The following PCDH15 variants were observed in gnomAD, a reference collection of about 807,000 sequenced individuals.
The protein encoded by PCDH15 is protocadherin-15.
PCDH15 carries 129 observed loss-of-function variants against 178.5 expected under a neutral mutation model. The ratio of observed to expected loss-of-function variants is 0.72; its 90% CI spans 0.63 to 0.84. The LOEUF (loss-of-function observed/expected upper bound fraction) is 0.84. Ranked by LOEUF, PCDH15 falls within the 40% of genes least tolerant of loss-of-function variation. PCDH15 has a pLI of 0.00. For synonymous variants in PCDH15, 800 were observed against 732.0 expected (o/e 1.09, Z -1.50); for missense variants, 2,230 against 2,099.9 (o/e 1.06, Z -1.21).
chr10:54,830,615 A>C (rs1022600401), intron 3 of PCDH15, among the ~76,000 whole-genome samples: 1 of 152,152 alleles, frequency 6.6e-6, no homozygotes, highest in Admixed American at 6.6e-5. Flanking sequence ...GGATAGCATT[A>C]GGAGACATAC....
intron 15 of PCDH15, among the ~76,000 whole-genome samples, chr10:54,101,699 G>A (rs1433986222): frequency 6.6e-6 from 1 of 152,140 alleles, no homozygotes; most frequent in African/African-American, 2.4e-5. Flanking sequence ...AGGCGCAGTG[G>A]CTCATGCCTG....
chr10:55,585,368 C>G (rs1029817650), intron 2 of PCDH15, among the ~76,000 whole-genome samples: 1 of 152,154 alleles, frequency 6.6e-6, no homozygotes, highest in Admixed American at 6.5e-5. Flanking sequence ...TCTGTTACAA[C>G]ACTTCACTGC....
chr10:55,334,242 A>ATATG lies in PCDH15; in HGVS notation c.-155-167592_-155-167591insCATA, dbSNP rs1291195941. 6.3e-3 allele frequency among the ~76,000 whole-genome samples: 452 copies of ATATG among 72,134 alleles called. 9 individuals are homozygous for ATATG. Among genetic ancestry groups the ATATG allele is most frequent in the South Asian group, 0.026 (48 of 1,814 alleles). The allele number at this position is 72,134 out of a possible 152,430, so 47.3% of individuals were successfully genotyped here. On this transcript the variant is annotated intron_variant, in intron 2 of 5. Coordinates refer to the PCDH15 transcript ENST00000613346. ...GCTCCATATATATATATATATATAT[A>ATATG]TGTGTGTGTGTGTGTGTGTGTGTGT...
At chr10:54,034,306 A>G (rs1004783018) in intron 18 of PCDH15, among the ~76,000 whole-genome samples, 2 of 151,926 alleles carry the variant, frequency 1.3e-5, no homozygotes, top group Admixed American at 6.6e-5. Context: ...TCTATTTTAC[A>G]CACATTGTCA....
chr10:53,808,420 C>T lies in PCDH15; in HGVS notation c.4672-1290G>A, dbSNP rs1410052867. ...ATGCCACATTGCATTAACAAAAATC[C>T]TACCAGTAAATATTAAATATTGATT... is the stretch of plus-strand genomic sequence containing the variant. On this transcript the variant is annotated intron_variant, in intron 37 of 37. Transcript: ENST00000644397. 2.6e-6 allele frequency: 3 copies of T among 1,147,116 alleles called. No homozygotes were observed. In the African/African-American group the frequency reaches 4.8e-5, roughly 18 times the overall value. 71.1% of individuals were successfully genotyped at this position (1,147,116 alleles called of 1,614,324 possible). A position where few individuals can be genotyped will look rare whatever the true frequency, so the allele number is the denominator to read the frequency against.
intron 2 of PCDH15, among the ~76,000 whole-genome samples, chr10:55,005,496 G>A (rs148413764): frequency 7.9e-5 from 12 of 152,014 alleles, no homozygotes; most frequent in African/African-American, 2.7e-4. Flanking sequence ...GTATCTACGT[G>A]GATACGCATC....
chr10:55,495,581 A>G (rs962539770), intron 2 of PCDH15, among the ~76,000 whole-genome samples: 7 of 151,858 alleles, frequency 4.6e-5, no homozygotes, highest in South Asian at 2.1e-4. Context: ...GTTGTATTCA[A>G]AAGCACATAA....
rs372818226 is a variant in PCDH15 at position 54,423,769 on chromosome 10, A to G, written c.158-44827T>C. ...AGACAGAATGAGATTTAGCTCAAAC[A>G]AATGATTGACTCATGCTGGGTTGAA... On this transcript the variant is annotated intron_variant, in intron 3 of 37. Coordinates refer to ENST00000644397, the MANE Select transcript of PCDH15 (RefSeq NM_001384140.1). Among the ~76,000 whole-genome samples, 31 of 152,046 alleles carry G rather than the reference A, an allele frequency of 2.0e-4. 1 individual carries two copies. The highest frequency in any genetic ancestry group is 7.3e-4 in the African/African-American group (30 of 41,354).
chr10:54,089,820 T>A (rs1426537621), intron 16 of PCDH15, among the ~76,000 whole-genome samples, 164 bp downstream of exon 16: 1 of 152,208 alleles, frequency 6.6e-6, no homozygotes, highest in Non-Finnish European at 1.5e-5. Context: ...CTGGGTAATA[T>A]TTCTGGGCTC....
chr10:55,557,347 T>C (rs1176211018), intron 2 of PCDH15, among the ~76,000 whole-genome samples: 3 of 152,168 alleles, frequency 2.0e-5, no homozygotes, highest in African/African-American at 7.2e-5. Flanking sequence ...AATTTTTACT[T>C]TTCTGGAAAA....
chr10:54,263,914 C>A (rs2057497239), intron 8 of PCDH15, among the ~76,000 whole-genome samples: 1 of 152,100 alleles, frequency 6.6e-6, no homozygotes, highest in South Asian at 2.1e-4. Flanking sequence ...GCCAGCACAG[C>A]TAGGATAAAG....
At chr10:55,113,477 G>A (rs1342868117) in intron 2 of PCDH15, among the ~76,000 whole-genome samples, 5 of 151,746 alleles carry the variant, frequency 3.3e-5, no homozygotes, top group African/African-American at 1.2e-4. Flanking sequence ...ATACATGGAA[G>A]AAGGTAGTCA....
rs901245641 is a variant in PCDH15 at position 54,969,459 on chromosome 10, G to C, written c.-79-71959C>G. Among the ~76,000 whole-genome samples, 6 of 152,156 alleles carry C rather than the reference G, an allele frequency of 3.9e-5. No individual in the cohort carries two copies. The East Asian group carries it at 1.2e-3, about 29-fold the overall frequency. The stretch of plus-strand genomic sequence containing the variant: ...ATTCTTAGTCCTATGTGAATGTTGA[G>C]ATGATTTCTCTGTTCTTTTCAGGTT... On this transcript the variant is annotated intron_variant, in intron 2 of 5. Transcript: ENST00000458638.
intron 2 of PCDH15, among the ~76,000 whole-genome samples, chr10:54,594,309 G>C (rs969956958): frequency 2.6e-5 from 4 of 152,092 alleles, no homozygotes; most frequent in African/African-American, 9.7e-5. Context: ...CATCCCCCTA[G>C]GCTTGATTTG....
At chr10:54,571,382 A>G (rs1381502302) in intron 2 of PCDH15, among the ~76,000 whole-genome samples, 1 of 150,064 alleles carries the variant, frequency 6.7e-6, no homozygotes, top group African/African-American at 2.4e-5. Flanking sequence ...GGTTTCCTGG[A>G]GGAAAGCATG....
At position 54,664,228 on chromosome 10, in the gene PCDH15, G is replaced by C. The variant is rs764456534; in HGVS notation, c.35C>G (p.Ala12Gly). The C allele has an allele frequency of 1.2e-6, 2 of 1,612,094 alleles. No individual in the cohort carries two copies. The highest frequency in any genetic ancestry group is 2.7e-5 in the African/African-American group (2 of 74,922). Residue 12 changes from alanine (A) to glycine (G), a missense_variant, in exon 2 of 38, where the codon GCT becomes GGT. Coordinates refer to ENST00000644397, the MANE Select transcript of PCDH15 (RefSeq NM_001384140.1). ...GAGAGAGCCCAGGATGATCCCTGAAGCTAAACATGTCCAGAGATAAAACTG... is the reference window on the plus strand; with the variant it reads ...GAGAGAGCCCAGGATGATCCCTGAACCTAAACATGTCCAGAGATAAAACTG... ...FRQFYLWTCLASGIILGSLFE... is the reference protein window; with the variant it reads ...FRQFYLWTCLGSGIILGSLFE...
At chr10:54,195,518 T>C (rs1428390478) in intron 11 of PCDH15, among the ~76,000 whole-genome samples, 165 bp downstream of exon 11, 1 of 152,226 alleles carries the variant, frequency 6.6e-6, no homozygotes, top group Non-Finnish European at 1.5e-5. Context: ...AAAGATACTT[T>C]TTAAAATATC....
chr10:54,381,556 A>G (rs994539263), intron 3 of PCDH15, among the ~76,000 whole-genome samples: 4 of 152,082 alleles, frequency 2.6e-5, no homozygotes, highest in African/African-American at 7.2e-5. Context: ...AATATTACAG[A>G]TAAGTTAAAA....
At chr10:55,011,969 T>C (rs1840056879) in intron 2 of PCDH15, among the ~76,000 whole-genome samples, 1 of 152,022 alleles carries the variant, frequency 6.6e-6, no homozygotes, top group African/African-American at 2.4e-5. Context: ...TACTAAATCT[T>C]TTGGTCCATT....
Sources: allele counts gnomAD v4.1 joint callset (sites outside exome capture counted in the v4.1 genomes callset), GRCh38; gene constraint gnomAD v4.1.1; transcripts MANE v1.5; gene names NCBI Gene and HGNC (gene_info 2026-07-23, HGNC 2026-07-21).